Variants in COL23A1 observed in about 807,000 individuals in gnomAD.
The protein encoded by COL23A1 is collagen alpha-1(XXIII) chain.
A neutral mutation model predicts 99.3 loss-of-function variants in COL23A1; 97 were observed. The observed-to-expected ratio is 0.98, with a 90% CI of 0.83 to 1.16. COL23A1 has a LOEUF of 1.16. Ranked by LOEUF, COL23A1 falls within the 50% of genes most tolerant of loss-of-function variation. The probability of loss-of-function intolerance (pLI) is 0.00; values close to 1 mark genes in which losing one functional copy is unlikely to be tolerated. For synonymous variants in COL23A1, 320 were observed against 308.2 expected, an observed-to-expected ratio of 1.04 and a Z score of -0.40; for missense variants, 762 against 757.4, an observed-to-expected ratio of 1.01 and a Z score of -0.07.
intron 1 of COL23A1, among the ~76,000 whole-genome samples, chr5:178,588,610 G>A (rs1389848438): frequency 6.6e-6 from 1 of 152,186 alleles, no homozygotes; most frequent in Non-Finnish European, 1.5e-5. Context: ...CCTTTCAAGG[G>A]TAAAATAGGA....
chr5:178,358,409 GTA>G (rs1183489848), intron 2 of COL23A1, among the ~76,000 whole-genome samples: 15 of 123,312 alleles, frequency 1.2e-4, no homozygotes, highest in African/African-American at 1.7e-4. Context: ...GTGTATGTGT[GTA>G]TGTGTATGTG....
chr5:178,484,619 T>G (rs638374), intron 2 of COL23A1, among the ~76,000 whole-genome samples: 4,164 of 151,758 alleles, frequency 0.027, 185 homozygotes, highest in African/African-American at 0.094. Context: ...GTCGGGAGAT[T>G]GAGACCATCC....
intron 2 of COL23A1, among the ~76,000 whole-genome samples, chr5:178,370,263 C>T (rs995847725): frequency 1.3e-5 from 2 of 152,222 alleles, no homozygotes; most frequent in African/African-American, 4.8e-5. Context: ...CGTGCTTCTT[C>T]ACCCTTGTGT....
intron 2 of COL23A1, among the ~76,000 whole-genome samples, chr5:178,432,931 T>C (rs113304944): frequency 0.034 from 5,126 of 152,222 alleles, 101 homozygotes; most frequent in Middle Eastern, 0.075. Context: ...CAACCAATTC[T>C]GGCAACTCGA....
At chr5:178,377,122 C>T (rs377246047) in intron 2 of COL23A1, among the ~76,000 whole-genome samples, 2 of 152,298 alleles carry the variant, frequency 1.3e-5, no homozygotes, top group East Asian at 1.9e-4. Flanking sequence ...TGGGACTACG[C>T]GGGCCACGCA....
At chr5:178,397,742 A>G (rs1368124933) in intron 2 of COL23A1, among the ~76,000 whole-genome samples, 4 of 152,218 alleles carry the variant, frequency 2.6e-5, no homozygotes, top group Non-Finnish European at 5.9e-5. Context: ...TAATCCCAGC[A>G]CTTTGGGAGG....
chr5:178,409,340 T>C (rs1764944553), intron 2 of COL23A1, among the ~76,000 whole-genome samples: 1 of 152,246 alleles, frequency 6.6e-6, no homozygotes, highest in Non-Finnish European at 1.5e-5. Context: ...ATTCCAGTTC[T>C]AAAACATTCT....
chr5:178,484,776 C>T (rs1478378243), intron 2 of COL23A1, among the ~76,000 whole-genome samples: 5 of 139,438 alleles, frequency 3.6e-5, no homozygotes, highest in African/African-American at 5.5e-5. Flanking sequence ...GAGCTGAGAT[C>T]GCGCCACTGT....
chr5:178,334,704 C>T (rs368837279), intron 2 of COL23A1, among the ~76,000 whole-genome samples: 1 of 152,218 alleles, frequency 6.6e-6, no homozygotes, highest in Non-Finnish European at 1.5e-5. Context: ...CACTTAAAGA[C>T]AGCGACACGA....
chr5:178,469,017 T>G (rs1390869010), intron 2 of COL23A1, among the ~76,000 whole-genome samples: 1 of 152,204 alleles, frequency 6.6e-6, no homozygotes, highest in Non-Finnish European at 1.5e-5. Flanking sequence ...TGTCCTTCTG[T>G]GTGTGGCTTA....
chr5:178,252,081 T>C (rs1369156778), intron 17 of COL23A1, among the ~76,000 whole-genome samples: 1 of 151,668 alleles, frequency 6.6e-6, no homozygotes, highest in Non-Finnish European at 1.5e-5. Context: ...GCCCGGCTAA[T>C]TTTTTGTATT....
In COL23A1 at chr5:178,293,523, T is replaced by C. The variant is rs550267098; in HGVS notation, c.407-3154A>G. ...GAGAGGCTGAGTGGGTTGGACAATGTGGCCTCAGCCAGGCAGCAGAAAGGG... is the reference window on the plus strand; with the variant it reads ...GAGAGGCTGAGTGGGTTGGACAATGCGGCCTCAGCCAGGCAGCAGAAAGGG... On this transcript the variant is annotated intron_variant, in intron 3 of 28. Coordinates refer to ENST00000390654, the MANE Select transcript of COL23A1 (RefSeq NM_173465.4). Among the ~76,000 whole-genome samples the C allele has an allele frequency of 3.3e-4, 50 of 152,222 alleles. No homozygotes were observed. The South Asian group carries it at 8.9e-3, about 27-fold the overall frequency.
chr5:178,576,205 C>T (rs1306551746), intron 1 of COL23A1, among the ~76,000 whole-genome samples: 1 of 152,186 alleles, frequency 6.6e-6, no homozygotes, highest in Admixed American at 6.5e-5. Flanking sequence ...AAAAGTCTTG[C>T]CCTGCTGCCC....
chr5:178,250,216 T>C, intron 17 of COL23A1, 111 bp from the exon 18 acceptor site: 2 of 1,243,522 alleles, frequency 1.6e-6, no homozygotes, highest in South Asian at 1.3e-5. Context: ...GTCTTTGCAG[T>C]TGGACCTCTA....
chr5:178,530,567 G>A (rs951851558), intron 2 of COL23A1, among the ~76,000 whole-genome samples: 3 of 152,128 alleles, frequency 2.0e-5, no homozygotes, highest in East Asian at 3.8e-4. Flanking sequence ...ATGGCTTCCC[G>A]GGCCACTTAG....
intron 16 of COL23A1, among the ~76,000 whole-genome samples, chr5:178,253,477 AT>A (rs1215450642): frequency 6.6e-6 from 1 of 151,396 alleles, no homozygotes; most frequent in Non-Finnish European, 1.5e-5. Flanking sequence ...ATATGTTTTT[AT>A]TTTTTATTTT....
chr5:178,244,082 C>T (rs1037809473), intron 25 of COL23A1, among the ~76,000 whole-genome samples: 21 of 152,172 alleles, frequency 1.4e-4, no homozygotes, highest in Admixed American at 4.6e-4. Context: ...TGGGCTCATG[C>T]CATCCTCCCG....
At chr5:178,533,876 A>G (rs1310617885) in intron 2 of COL23A1, among the ~76,000 whole-genome samples, 1 of 152,212 alleles carries the variant, frequency 6.6e-6, no homozygotes, top group Non-Finnish European at 1.5e-5. Flanking sequence ...TCATTCGTCT[A>G]TTGAAAAGGA....
intron 5 of COL23A1, among the ~76,000 whole-genome samples, chr5:178,278,499 C>T (rs1225791433): frequency 6.6e-6 from 1 of 152,190 alleles, no homozygotes; most frequent in Non-Finnish European, 1.5e-5. Context: ...GGGCGGGTGC[C>T]CCGATTCACC....
Sources: gnomAD v4.1 joint callset for allele counts (sites outside exome capture counted in the v4.1 genomes callset) on GRCh38, gnomAD v4.1.1 for gene constraint, MANE v1.5 for transcripts, NCBI Gene and HGNC (gene_info 2026-07-23, HGNC 2026-07-21) for gene names.